Variants in TTLL9 observed in about 807,000 individuals in gnomAD.
TTLL9 encodes probable tubulin polyglutamylase TTLL9.
Under a neutral mutation model 65.6 loss-of-function variants are expected in TTLL9, and 47 were observed. The ratio of observed to expected loss-of-function variants is 0.72; its 90% CI spans 0.57 to 0.91. The LOEUF (loss-of-function observed/expected upper bound fraction) is 0.91. Among genes scored for constraint, TTLL9 ranks in the 40% least tolerant of loss-of-function variants. The pLI, the probability that TTLL9 is intolerant of heterozygous loss-of-function variation, is 0.00. For missense variants in TTLL9, 537 were observed against 568.8 expected (o/e 0.94, Z 0.57); for synonymous variants, 179 against 204.8 (o/e 0.87, Z 1.07).
intron 12 of TTLL9, among the ~76,000 whole-genome samples, chr20:31,937,097 TC>T (rs2064123357): frequency 3.7e-5 from 2 of 54,368 alleles, no homozygotes; most frequent in African/African-American, 1.1e-4. Flanking sequence ...AAACTCCCTC[TC>T]CAAAAAAAAA....
intron 6 of TTLL9, among the ~76,000 whole-genome samples, chr20:31,917,485 T>C (rs929506046): frequency 6.6e-6 from 1 of 152,224 alleles, no homozygotes; most frequent in African/African-American, 2.4e-5. Flanking sequence ...GCTGTGGGTG[T>C]CTGGGGCCAT....
chr20:31,887,166 A>G, intron 2 of TTLL9, 30 bp from the exon 3 acceptor site: 1 of 1,613,116 alleles, frequency 6.2e-7, no homozygotes, highest in South Asian at 1.1e-5. Flanking sequence ...ATACAAAACC[A>G]GTTACATCCT....
intron 7 of TTLL9, among the ~76,000 whole-genome samples, chr20:31,921,407 C>A (rs561493020): frequency 5.7e-4 from 87 of 152,328 alleles, no homozygotes; most frequent in South Asian, 4.1e-3. Flanking sequence ...GTGTGGAAGA[C>A]AGTGTGGTGA....
At chr20:31,928,874 C>T (rs2063956374) in intron 10 of TTLL9, among the ~76,000 whole-genome samples, 1 of 152,230 alleles carries the variant, frequency 6.6e-6, no homozygotes, top group Non-Finnish European at 1.5e-5. Flanking sequence ...ATTCACCAGT[C>T]TATCTTAGTG....
chr20:31,884,751 A>T (rs1056936295), intron 2 of TTLL9, among the ~76,000 whole-genome samples: 4 of 152,128 alleles, frequency 2.6e-5, no homozygotes, highest in African/African-American at 7.2e-5. Context: ...ACATTTAAGG[A>T]TCCTTATGAT....
At chr20:31,887,355 G>GA in intron 3 of TTLL9, 116 bp downstream of exon 3, 1 of 1,197,730 alleles carries the variant, frequency 8.3e-7, no homozygotes, top group Non-Finnish European at 1.2e-6. Context: ...AATGATAGTA[G>GA]AAGGAGTAAT....
At chr20:31,942,873 G>T in intron 14 of TTLL9, 72 bp from the exon 15 acceptor site, 1 of 1,476,546 alleles carries the variant, frequency 6.8e-7, no homozygotes, top group South Asian at 1.1e-5. Flanking sequence ...TCCCAGCAGG[G>T]AGTTGGGGCA....
rs543294016 is a variant in TTLL9 at position 31,903,114 on chromosome 20, C to A, written c.206+4549C>A. Among the ~76,000 whole-genome samples the A allele has an allele frequency of 2.0e-5, 3 of 152,114 alleles. No homozygotes were observed. In the East Asian group the frequency reaches 5.8e-4, roughly 29 times the overall value. On this transcript the variant is annotated intron_variant, in intron 4 of 14. Transcript: ENST00000535842. ...TGAACTTCTGGACTTGAGTGATCCTCCTGCCTCTGCCTCCCAAAGTGTTGA... is the reference window on the plus strand; with the variant it reads ...TGAACTTCTGGACTTGAGTGATCCTACTGCCTCTGCCTCCCAAAGTGTTGA...
At chr20:31,874,958 C>T (rs576616570) in intron 2 of TTLL9, among the ~76,000 whole-genome samples, 40 of 152,222 alleles carry the variant, frequency 2.6e-4, no homozygotes, top group South Asian at 2.1e-3. Context: ...TCAACCCTGC[C>T]GTCACCTTCA....
intron 4 of TTLL9, among the ~76,000 whole-genome samples, chr20:31,902,383 T>TTTTG (rs1157264760): frequency 5.9e-5 from 9 of 152,246 alleles, no homozygotes; most frequent in Non-Finnish European, 1.3e-4. Context: ...CTTCATTCCT[T>TTTTG]TTTGTTTGTT....
chr20:31,880,077 G>T (rs1260138800), intron 2 of TTLL9, among the ~76,000 whole-genome samples: 2 of 152,164 alleles, frequency 1.3e-5, no homozygotes, highest in Non-Finnish European at 2.9e-5. Context: ...AAAAAGCCGA[G>T]GAACTCAGAG....
chr20:31,935,238 A>T (rs2064090788), intron 12 of TTLL9, among the ~76,000 whole-genome samples: 1 of 152,196 alleles, frequency 6.6e-6, no homozygotes, highest in Non-Finnish European at 1.5e-5. Flanking sequence ...AGATGCAAAG[A>T]GCCATATAAT....
intron 3 of TTLL9, among the ~76,000 whole-genome samples, chr20:31,888,382 T>C (rs752109297): frequency 5.9e-5 from 9 of 152,240 alleles, no homozygotes; most frequent in Non-Finnish European, 1.0e-4. Context: ...GCCCTAAACA[T>C]ACATGCCCAC....
intron 2 of TTLL9, among the ~76,000 whole-genome samples, chr20:31,875,458 G>A (rs945127588): frequency 4.6e-5 from 7 of 152,008 alleles, no homozygotes; most frequent in East Asian, 1.9e-4. Flanking sequence ...TGGAAACCTC[G>A]TCTCTCCCCT....
intron 3 of TTLL9, among the ~76,000 whole-genome samples, chr20:31,895,088 A>C (rs1004811721): frequency 6.6e-6 from 1 of 152,244 alleles, no homozygotes; most frequent in African/African-American, 2.4e-5. Flanking sequence ...TGGGAATAAT[A>C]TACAAGAAGT....
intron 2 of TTLL9, chr20:31,884,083 G>A (rs753066541): frequency 3.9e-4 from 213 of 544,782 alleles, no homozygotes; most frequent in Admixed American, 1.3e-3. Flanking sequence ...TAATCATTCA[G>A]CAAGGGCATC....
intron 2 of TTLL9, among the ~76,000 whole-genome samples, chr20:31,878,102 T>C (rs796649146): frequency 2.0e-5 from 3 of 152,348 alleles, no homozygotes; most frequent in African/African-American, 7.2e-5. Context: ...TGTTTCTACA[T>C]ATCTTATATT....
chr20:31,889,974 CTTT>C (rs2063264229), intron 3 of TTLL9, among the ~76,000 whole-genome samples: 1 of 34,624 alleles, frequency 2.9e-5, no homozygotes, highest in African/African-American at 1.7e-4. Flanking sequence ...ACATCTCTCT[CTTT>C]CTTTCTTTCT....
intron 5 of TTLL9, among the ~76,000 whole-genome samples, chr20:31,908,951 G>A (rs962163852): frequency 6.6e-6 from 1 of 151,982 alleles, no homozygotes; most frequent in African/African-American, 2.4e-5. Flanking sequence ...GATGGTTTGA[G>A]GGTGCAGGGT....
Sources: allele counts gnomAD v4.1 joint callset (sites outside exome capture counted in the v4.1 genomes callset), GRCh38; gene constraint gnomAD v4.1.1; transcripts MANE v1.5; gene names NCBI Gene and HGNC (gene_info 2026-07-23, HGNC 2026-07-21).